The following AGTPBP1 variants were observed in gnomAD, a reference collection of about 807,000 sequenced individuals.
AGTPBP1 encodes the protein cytosolic carboxypeptidase 1.
In AGTPBP1, 70 loss-of-function variants were observed where a neutral mutation model predicts 143.9. The observed-to-expected ratio is 0.49, with a 90% confidence interval of 0.40 to 0.59. The LOEUF is 0.59. Among genes scored for constraint, AGTPBP1 ranks in the 20% least tolerant of loss-of-function variants. AGTPBP1 has a pLI of 0.00. For missense variants in AGTPBP1, 1,229 were observed against 1,464.5 expected (o/e 0.84, Z 2.62); for synonymous variants, 463 against 500.2 (o/e 0.93, Z 0.99).
chr9:85,674,583 T>C (rs1834706458), intron 6 of AGTPBP1, among the ~76,000 whole-genome samples: 1 of 151,640 alleles, frequency 6.6e-6, no homozygotes, highest in Non-Finnish European at 1.5e-5. Context: ...CAAAAGGGAG[T>C]CTTTAAATCT....
At chr9:85,737,690 A>C (rs1588010478) in intron 1 of AGTPBP1, among the ~76,000 whole-genome samples, 2 of 152,252 alleles carry the variant, frequency 1.3e-5, no homozygotes, top group African/African-American at 4.8e-5. Context: ...CTCAGGAATG[A>C]GTATAAGACC....
intron 25 of AGTPBP1, among the ~76,000 whole-genome samples, 182 bp from the exon 26 acceptor site, chr9:85,547,468 A>G (rs1825798542): frequency 6.6e-6 from 1 of 152,246 alleles, no homozygotes; most frequent in Non-Finnish European, 1.5e-5. Context: ...TGTATTGACA[A>G]TAAGCAGTGA....
rs575992724 is a variant in AGTPBP1, at chr9:85,625,101, CACGTATGCAA to C, written c.2016-3826_2016-3817del. Reference sequence around the variant, plus strand: ...ATGAAAAACTTTGAATGCCACTTCACACGTATGCAAACTATGTGTGCACACAGACATGTGA... The same window carrying C: ...ATGAAAAACTTTGAATGCCACTTCACACTATGTGTGCACACAGACATGTGA... On this transcript the variant is annotated intron_variant, in intron 14 of 25. Transcript: ENST00000357081. 6.6e-5 allele frequency among the ~76,000 whole-genome samples: 10 copies of C among 152,332 alleles called. No homozygotes were observed. In the South Asian group the frequency reaches 1.9e-3, roughly 28 times the overall value.
At chr9:85,790,582 T>C in the AGTPBP1 span, among the ~76,000 whole-genome samples, 11 of 152,194 alleles carry the variant, frequency 7.2e-5, no homozygotes, top group African/African-American at 2.4e-4. Context: ...AAAGTTGATG[T>C]TATAATGATG....
intron 17 of AGTPBP1, among the ~76,000 whole-genome samples, chr9:85,616,952 A>T (rs1314932222): frequency 6.6e-6 from 1 of 152,090 alleles, no homozygotes; most frequent in Non-Finnish European, 1.5e-5. Flanking sequence ...ACACTTAAAA[A>T]TTAGTTACTT....
chr9:85,786,525 C>T, the AGTPBP1 span: 27 of 1,613,822 alleles, frequency 1.7e-5, no homozygotes, highest in Non-Finnish European at 1.8e-5. Context: ...GGCATTGGAT[C>T]AATGGCTGCT....
the AGTPBP1 span, chr9:85,764,629 T>C: frequency 3.3e-6 from 2 of 601,158 alleles, no homozygotes; most frequent in Non-Finnish European, 6.0e-6. Context: ...AGCAATTTTC[T>C]CTATGTTTTT....
At position 85,579,078 on chromosome 9, in the gene AGTPBP1, T is replaced by A. The variant is rs1828075761; in HGVS notation, c.3184A>T (p.Ser1062Cys). Reference protein sequence around the residue: ...TGYRTLPKILSHIAPAFCMSS... With the variant: ...TGYRTLPKILCHIAPAFCMSS... ...ATGCAAAATGCTGGGGCGATATGGC[T>A]CAGTATCTTAGGCAATGTCTGTTAA... Residue 1062 changes from serine (S) to cysteine (C), a missense_variant, in exon 24 of 26, where the codon AGC becomes TGC. By Grantham distance (112) the Ser-to-Cys change is moderately radical. Around this residue, in one of 2 missense-constraint regions of AGTPBP1, gnomAD observed 486 missense variants for 652.3 expected, o/e 0.75. Transcript: ENST00000357081. 1 of 1,607,086 alleles carries A rather than the reference T, an allele frequency of 6.2e-7. No individual in the cohort carries two copies. Among genetic ancestry groups the A allele is most frequent in the Non-Finnish European group, 8.5e-7 (1 of 1,178,032 alleles).
At chr9:85,593,722 T>C (rs1366348865) in intron 18 of AGTPBP1, among the ~76,000 whole-genome samples, 3 of 152,158 alleles carry the variant, frequency 2.0e-5, no homozygotes, top group African/African-American at 4.8e-5. Context: ...GTGTTGATAA[T>C]TGTTGATACT....
At chr9:85,746,196 T>C (rs1180889850), upstream of AGTPBP1, among the ~76,000 whole-genome samples, 1 of 152,054 alleles carries the variant, frequency 6.6e-6, no homozygotes, top group Non-Finnish European at 1.5e-5. Flanking sequence ...CACCGCCTTC[T>C]CCAACCTGCT....
At chr9:85,652,265 C>T (rs1344720542) in intron 11 of AGTPBP1, among the ~76,000 whole-genome samples, 3 of 152,150 alleles carry the variant, frequency 2.0e-5, no homozygotes, top group African/African-American at 7.2e-5. Context: ...AATCCTAGCA[C>T]TTTGGGAGGC....
intron 18 of AGTPBP1, among the ~76,000 whole-genome samples, chr9:85,596,158 C>G (rs1174902681): frequency 6.6e-6 from 1 of 152,152 alleles, no homozygotes; most frequent in African/African-American, 2.4e-5. Context: ...AGTTTGTCTG[C>G]CTATACAACA....
chr9:85,745,813 G>A (rs891985932), upstream of AGTPBP1, among the ~76,000 whole-genome samples: 1 of 152,190 alleles, frequency 6.6e-6, no homozygotes, highest in Non-Finnish European at 1.5e-5. Flanking sequence ...AAATCACTTA[G>A]GCAGACAGTG....
chr9:85,737,771 C>T (rs553100542), intron 1 of AGTPBP1, among the ~76,000 whole-genome samples: 2 of 152,192 alleles, frequency 1.3e-5, no homozygotes, highest in Non-Finnish European at 2.9e-5. Context: ...CTCACGGCAT[C>T]TAACCTTTAA....
the AGTPBP1 span, among the ~76,000 whole-genome samples, chr9:85,768,885 C>T: frequency 6.6e-6 from 1 of 150,730 alleles, no homozygotes; most frequent in Non-Finnish European, 1.5e-5. Flanking sequence ...CCCTTCTCAA[C>T]TAAAAATACA....
intron 23 of AGTPBP1, among the ~76,000 whole-genome samples, chr9:85,579,814 CTAGA>C (rs1454081912): frequency 1.3e-5 from 2 of 149,480 alleles, no homozygotes; most frequent in Non-Finnish European, 1.5e-5. Flanking sequence ...ATTGGCACTA[CTAGA>C]TAGTCACTAA....
At chr9:85,611,593 AT>A (rs1270597768) in intron 17 of AGTPBP1, among the ~76,000 whole-genome samples, 2 of 152,222 alleles carry the variant, frequency 1.3e-5, no homozygotes, top group African/African-American at 2.4e-5. Context: ...TTGAAAGACT[AT>A]TAAGTATTTT....
chr9:85,712,791 G>A (rs1161985270), intron 1 of AGTPBP1, among the ~76,000 whole-genome samples: 7 of 152,082 alleles, frequency 4.6e-5, no homozygotes, highest in African/African-American at 1.2e-4. Context: ...ATCAAAATCC[G>A]GAGCTACAAA....
At chr9:85,743,410 G>T (rs746282822), upstream of AGTPBP1, among the ~76,000 whole-genome samples, 11 of 152,236 alleles carry the variant, frequency 7.2e-5, no homozygotes, top group South Asian at 2.1e-4. Flanking sequence ...GCTTTGAAAT[G>T]ATTCCAATCA....
Sources: allele counts gnomAD v4.1 joint callset (sites outside exome capture counted in the v4.1 genomes callset), GRCh38; gene constraint gnomAD v4.1.1; regional missense constraint gnomAD v4.1.1; transcripts MANE v1.5; gene names NCBI Gene and HGNC (gene_info 2026-07-23, HGNC 2026-07-21).